Variants in UBASH3A observed in about 807,000 individuals in gnomAD.
UBASH3A encodes the protein ubiquitin associated and SH3 domain containing A, also known as ubiquitin-associated and SH3 domain-containing protein A.
In UBASH3A, 63 loss-of-function variants were observed where a neutral mutation model predicts 73.5. That is an observed-to-expected ratio of 0.86 (90% CI 0.70 to 1.06). UBASH3A has a LOEUF of 1.06. Among genes scored for constraint, UBASH3A ranks in the 50% least tolerant of loss-of-function variants. The pLI is 0.00. For missense variants in UBASH3A, 860 were observed against 859.0 expected, an observed-to-expected ratio of 1.00 and a Z score of -0.02; for synonymous variants, 363 against 351.1, an observed-to-expected ratio of 1.03 and a Z score of -0.38.
chr21:42,438,187 G>A (rs530656598), intron 11 of UBASH3A, among the ~76,000 whole-genome samples: 27 of 152,318 alleles, frequency 1.8e-4, no homozygotes, highest in African/African-American at 5.1e-4. Flanking sequence ...GGGACTGGCC[G>A]TGGCCAGGAG....
intron 3 of UBASH3A, among the ~76,000 whole-genome samples, chr21:42,412,417 C>T (rs111809474): frequency 0.012 from 1,849 of 152,264 alleles, 23 homozygotes; most frequent in Non-Finnish European, 0.02. Flanking sequence ...AGGGAGCAGA[C>T]CCCAAGGCAG....
Position 42,418,508 on chromosome 21 carries a change from G to A in UBASH3A, c.945G>A (p.Glu315=), listed in dbSNP as rs141590784. 6.8e-6 allele frequency: 11 copies of A among 1,614,126 alleles called. No homozygotes were observed. The African/African-American group carries it at 1.5e-4, about 22-fold the overall frequency. ...VDPTQQDEAS[E]GWVIGISQRT... is the part of the protein sequence containing the mutation. Reference sequence around the variant, plus strand: ...CCACGCAGCAGGACGAAGCCAGCGAGGGCTGGGTGATTGGGATCTCACAGC... The same window carrying A: ...CCACGCAGCAGGACGAAGCCAGCGAAGGCTGGGTGATTGGGATCTCACAGC... The change falls in exon 7 of 15, where the codon GAG becomes GAA. Residue 315 remains glutamate, a synonymous_variant. Transcript: ENST00000319294.
At chr21:42,409,098 G>A (rs2146494318) in intron 2 of UBASH3A, among the ~76,000 whole-genome samples, 1 of 152,184 alleles carries the variant, frequency 6.6e-6, no homozygotes, top group Non-Finnish European at 1.5e-5. Context: ...AGGAGATGCT[G>A]GGCCCACGGA....
intron 14 of UBASH3A, 71 bp from the exon 15 acceptor site, chr21:42,446,986 G>T (rs1248338425): frequency 1.1e-5 from 17 of 1,534,486 alleles, no homozygotes; most frequent in African/African-American, 1.4e-5. Flanking sequence ...CTGACAGTTG[G>T]CTTTGGAGCT....
At chr21:42,442,875 G>T (rs2053771722) in intron 12 of UBASH3A, among the ~76,000 whole-genome samples, 1 of 152,190 alleles carries the variant, frequency 6.6e-6, no homozygotes, top group South Asian at 2.1e-4. Flanking sequence ...CTGAAGGCAG[G>T]CCAAGGTGAT....
At chr21:42,429,446 A>G (rs2053492462) in intron 8 of UBASH3A, among the ~76,000 whole-genome samples, 3 of 152,160 alleles carry the variant, frequency 2.0e-5, no homozygotes, top group Admixed American at 2.0e-4. Flanking sequence ...CCTGTGGCAA[A>G]GCTCCACAGA....
chr21:42,407,209 C>A (rs1270422324), intron 2 of UBASH3A, among the ~76,000 whole-genome samples: 1 of 152,126 alleles, frequency 6.6e-6, no homozygotes, highest in Non-Finnish European at 1.5e-5. Context: ...TGTGGGGAGT[C>A]CTTCATCCTC....
chr21:42,403,950 C>A lies in UBASH3A; in HGVS notation c.5C>A (p.Ala2Glu). The change falls in exon 1 of 15, where the codon GCA (alanine) becomes GAA (glutamate). Residue 2 changes from alanine to glutamate, a missense_variant. Ala to Glu is a moderately radical substitution (Grantham distance 107). Coordinates refer to ENST00000319294, the MANE Select transcript of UBASH3A (RefSeq NM_018961.4). ...TTGGCCTAAGGGCAGGAAGAGATGG[C>A]AGCGGGGGAGACGCAGCTCTACGCC... is the stretch of plus-strand genomic sequence containing the variant. Reference protein sequence around the residue: MAAGETQLYAKV... With the variant: MEAGETQLYAKV... 1 of 1,505,394 alleles carries A rather than the reference C, an allele frequency of 6.6e-7. No individual in the cohort carries two copies. The highest frequency in any genetic ancestry group is 8.9e-7 in the Non-Finnish European group (1 of 1,120,152). 93.3% of individuals were successfully genotyped at this position (1,505,394 alleles called of 1,614,324 possible).
chr21:42,405,896 G>T (rs111402070), intron 1 of UBASH3A, among the ~76,000 whole-genome samples: 1 of 150,882 alleles, frequency 6.6e-6, no homozygotes, highest in Non-Finnish European at 1.5e-5. Flanking sequence ...CGAGCCTGGG[G>T]ATCAGGGTCG....
chr21:42,418,709 G>A, intron 7 of UBASH3A, 100 bp downstream of exon 7: 1 of 1,141,930 alleles, frequency 8.8e-7, no homozygotes, highest in Non-Finnish European at 1.2e-6. Flanking sequence ...TTCCATTATT[G>A]GTAAAATTGC....
At chr21:42,408,688 T>C (rs900856189) in intron 2 of UBASH3A, among the ~76,000 whole-genome samples, 5 of 152,116 alleles carry the variant, frequency 3.3e-5, no homozygotes, top group Admixed American at 1.3e-4. Flanking sequence ...TCCATTTTTA[T>C]TGTTAGTGAC....
intron 11 of UBASH3A, among the ~76,000 whole-genome samples, chr21:42,440,297 C>T (rs1315043135): frequency 6.6e-6 from 1 of 152,226 alleles, no homozygotes; most frequent in Non-Finnish European, 1.5e-5. Context: ...GGGGCAGGGT[C>T]TCCGAGTATC....
Position 42,447,362 on chromosome 21 carries a change from T to A in UBASH3A, c.*168T>A. On this transcript the variant is annotated 3_prime_UTR_variant, in exon 15 of 15. Coordinates refer to ENST00000319294, the MANE Select transcript of UBASH3A (RefSeq NM_018961.4). ...AATATTTCCCTCCGGCTTTCGCCTT[T>A]GTAACTCCCATCTGTGGACCCATCG... 1.4e-6 allele frequency: 1 copy of A among 723,244 alleles called. No individual in the cohort carries two copies. Among genetic ancestry groups the A allele is most frequent in the Non-Finnish European group, 2.2e-6 (1 of 461,410 alleles). 44.8% of individuals were successfully genotyped at this position (723,244 alleles called of 1,614,324 possible).
At chr21:42,431,962 G>T in intron 8 of UBASH3A, 141 bp from the exon 9 acceptor site, 3 of 580,852 alleles carry the variant, frequency 5.2e-6, no homozygotes, top group South Asian at 2.2e-5. Flanking sequence ...TAATGATTTG[G>T]GCAAAATGGG....
Position 42,444,518 on chromosome 21 carries a change from T to C in UBASH3A, c.1739-16T>C. ...CTGGGGCTGCTTTGACCTGGAGGTGTTCTTGTTTTCCACAGCGGGTGTCAT... is the reference window on the plus strand; with the variant it reads ...CTGGGGCTGCTTTGACCTGGAGGTGCTCTTGTTTTCCACAGCGGGTGTCAT... On this transcript the variant is annotated splice_polypyrimidine_tract_variant and intron_variant, in intron 13 of 14. Coordinates refer to ENST00000319294, the MANE Select transcript of UBASH3A (RefSeq NM_018961.4). The C allele has an allele frequency of 6.2e-7, 1 of 1,602,844 alleles. No homozygotes were observed. Among genetic ancestry groups the C allele is most frequent in the Admixed American group, 1.7e-5 (1 of 60,008 alleles).
At chr21:42,427,217 G>A (rs970596153) in intron 8 of UBASH3A, among the ~76,000 whole-genome samples, 3 of 152,194 alleles carry the variant, frequency 2.0e-5, no homozygotes, top group African/African-American at 7.2e-5. Context: ...CCAGGGTCCA[G>A]GGCACAGCAG....
chr21:42,438,684 A>C (rs2053672454), intron 11 of UBASH3A, among the ~76,000 whole-genome samples: 1 of 152,102 alleles, frequency 6.6e-6, no homozygotes, highest in South Asian at 2.1e-4. Context: ...GAGGAGGCCG[A>C]GCACGGGGGA....
At chr21:42,441,601 C>T (rs1601604123) in intron 11 of UBASH3A, among the ~76,000 whole-genome samples, 1 of 16,804 alleles carries the variant, frequency 6.0e-5, no homozygotes, top group East Asian at 1.5e-3. Flanking sequence ...GGGGAGGACT[C>T]GGGAGCCTGG....
chr21:42,414,643 A>G (rs2053165851), intron 5 of UBASH3A, among the ~76,000 whole-genome samples: 1 of 152,130 alleles, frequency 6.6e-6, no homozygotes. Flanking sequence ...AGACACAGAG[A>G]AGCCATGTGC....
Sources: gnomAD v4.1 joint callset for allele counts (sites outside exome capture counted in the v4.1 genomes callset) on GRCh38, gnomAD v4.1.1 for gene constraint, MANE v1.5 for transcripts, NCBI Gene and HGNC (gene_info 2026-07-23, HGNC 2026-07-21) for gene names.